CDH13: variants seen among roughly 807,000 people sequenced by gnomAD.
CDH13 encodes the protein cadherin-13.
Under a neutral mutation model 63.8 loss-of-function variants are expected in CDH13, and 24 were observed. That is an observed-to-expected ratio of 0.38 (90% CI 0.27 to 0.53). The LOEUF is 0.53. CDH13 is among the 20% of genes least tolerant of loss of function. The probability of loss-of-function intolerance (pLI) is 0.85; values close to 1 mark genes in which losing one functional copy is unlikely to be tolerated. For missense variants in CDH13, 1,049 were observed against 903.1 expected (o/e 1.16, Z -2.07); for synonymous variants, 503 against 355.3 (o/e 1.42, Z -4.67).
intron 3 of CDH13, among the ~76,000 whole-genome samples, chr16:83,077,258 T>C (rs1159452208): frequency 1.5e-5 from 2 of 136,958 alleles, no homozygotes; most frequent in Non-Finnish European, 3.0e-5. Flanking sequence ...AGTGATGCAG[T>C]CTTGGCTCAC....
chr16:82,894,957 G>T (rs1352697844), intron 2 of CDH13, among the ~76,000 whole-genome samples: 2 of 152,180 alleles, frequency 1.3e-5, no homozygotes, highest in African/African-American at 4.8e-5. Context: ...GGACACAGAG[G>T]TAGGGAAGGG....
intron 6 of CDH13, among the ~76,000 whole-genome samples, chr16:83,417,621 A>G (rs1039445690): frequency 6.6e-6 from 1 of 152,208 alleles, no homozygotes; most frequent in African/African-American, 2.4e-5. Flanking sequence ...TTCAGCAGGC[A>G]AGACAAATAT....
At chr16:82,898,164 G>A (rs1190491495) in intron 2 of CDH13, among the ~76,000 whole-genome samples, 4 of 152,110 alleles carry the variant, frequency 2.6e-5, no homozygotes, top group Non-Finnish European at 4.4e-5. Context: ...AATGTTAAAC[G>A]AAACATATTG....
intron 1 of CDH13, among the ~76,000 whole-genome samples, chr16:82,684,592 T>A (rs185011252): frequency 1.2e-4 from 18 of 152,176 alleles, no homozygotes; most frequent in Admixed American, 1.1e-3. Context: ...CCTTAATGTA[T>A]GAGGACTGTT....
intron 6 of CDH13, among the ~76,000 whole-genome samples, chr16:83,432,443 G>T (rs1191853113): frequency 6.6e-6 from 1 of 152,168 alleles, no homozygotes; most frequent in Non-Finnish European, 1.5e-5. Flanking sequence ...TCTAGCAAGT[G>T]GCAGAGTGGG....
At chr16:83,503,377 A>T (rs1025735403) in intron 7 of CDH13, among the ~76,000 whole-genome samples, 3 of 152,172 alleles carry the variant, frequency 2.0e-5, no homozygotes, top group African/African-American at 7.2e-5. Context: ...AGAGATTCGG[A>T]TGGGGTGGGA....
intron 10 of CDH13, among the ~76,000 whole-genome samples, chr16:83,697,928 G>A (rs560637771): frequency 3.9e-5 from 6 of 152,336 alleles, no homozygotes; most frequent in Non-Finnish European, 7.3e-5. Flanking sequence ...GATTACAGGC[G>A]TGAGCCACTG....
intron 8 of CDH13, among the ~76,000 whole-genome samples, chr16:83,623,355 T>C (rs1462617882): frequency 6.6e-6 from 1 of 152,182 alleles, no homozygotes; most frequent in African/African-American, 2.4e-5. Context: ...AGCGCCTTGT[T>C]TCTCCCTGGA....
intron 8 of CDH13, among the ~76,000 whole-genome samples, chr16:83,620,759 T>A (rs1346934695): frequency 6.6e-6 from 1 of 152,160 alleles, no homozygotes; most frequent in Non-Finnish European, 1.5e-5. Flanking sequence ...GGGAGCTACA[T>A]GGTAAGAGTC....
chr16:83,160,435 T>C (rs572347054), intron 4 of CDH13, among the ~76,000 whole-genome samples: 13 of 152,290 alleles, frequency 8.5e-5, no homozygotes, highest in African/African-American at 2.9e-4. Context: ...GACAGACCTA[T>C]GGCAATGGAG....
intron 6 of CDH13, among the ~76,000 whole-genome samples, chr16:83,405,104 A>AT (rs1303971588): frequency 6.6e-6 from 1 of 151,440 alleles, no homozygotes; most frequent in African/African-American, 2.4e-5. Context: ...ATCTCCTGTC[A>AT]TTTTCTGAAG....
chr16:83,686,282 A>T (rs1401850488), intron 10 of CDH13, among the ~76,000 whole-genome samples: 2 of 152,148 alleles, frequency 1.3e-5, no homozygotes, highest in Non-Finnish European at 2.9e-5. Flanking sequence ...TTCCCACGAG[A>T]CTTTGTGCTC....
intron 4 of CDH13, among the ~76,000 whole-genome samples, chr16:83,130,024 C>T (rs1015169660): frequency 1.4e-4 from 21 of 152,152 alleles, no homozygotes; most frequent in African/African-American, 5.1e-4. Flanking sequence ...TGAAATTCAA[C>T]CTAATTCATA....
intron 6 of CDH13, among the ~76,000 whole-genome samples, chr16:83,426,195 T>C (rs1597991751): frequency 6.6e-6 from 1 of 152,152 alleles, no homozygotes. Flanking sequence ...TGTTCACTCC[T>C]CCCAGCCTCT....
At chr16:83,121,384 C>G (rs992488771) in intron 3 of CDH13, among the ~76,000 whole-genome samples, 2 of 152,202 alleles carry the variant, frequency 1.3e-5, no homozygotes, top group African/African-American at 4.8e-5. Flanking sequence ...TGCAACCTCT[C>G]TGAACTTTCT....
intron 1 of CDH13, among the ~76,000 whole-genome samples, chr16:82,769,936 T>A (rs2035199166): frequency 6.6e-6 from 1 of 152,256 alleles, no homozygotes; most frequent in Admixed American, 6.5e-5. Context: ...GCATGGTGCA[T>A]ACGGCACAGA....
intron 7 of CDH13, among the ~76,000 whole-genome samples, chr16:83,539,810 A>G (rs2075266128): frequency 6.6e-6 from 1 of 152,198 alleles, no homozygotes; most frequent in South Asian, 2.1e-4. Context: ...GTGGCCCCAG[A>G]GGAGGAATGG....
intron 4 of CDH13, among the ~76,000 whole-genome samples, chr16:83,130,142 A>G (rs1195385363): frequency 6.6e-6 from 1 of 152,266 alleles, no homozygotes; most frequent in Non-Finnish European, 1.5e-5. Flanking sequence ...GGATTACAAA[A>G]GAGGTGACAA....
chr16:83,251,442 C>G (rs1905518781), intron 5 of CDH13, among the ~76,000 whole-genome samples: 1 of 152,112 alleles, frequency 6.6e-6, no homozygotes, highest in Non-Finnish European at 1.5e-5. Flanking sequence ...GCACAGTTAC[C>G]CAGCTGGTAA....
Sources: allele counts gnomAD v4.1 joint callset (sites outside exome capture counted in the v4.1 genomes callset), GRCh38; gene constraint gnomAD v4.1.1; transcripts MANE v1.5; gene names NCBI Gene and HGNC (gene_info 2026-07-23, HGNC 2026-07-21).